Variants in SBK1 observed in about 807,000 individuals in gnomAD.
SBK1 encodes serine/threonine-protein kinase SBK1.
In SBK1, 11 loss-of-function variants were observed where a neutral mutation model predicts 24.4. The ratio of observed to expected loss-of-function variants is 0.45; its 90% confidence interval spans 0.28 to 0.75. The LOEUF (loss-of-function observed/expected upper bound fraction) is 0.75, where lower values mean the gene tolerates loss of function less well. Among genes scored for constraint, SBK1 ranks in the 30% least tolerant of loss-of-function variants. SBK1 has a pLI of 0.12. For missense variants in SBK1, 467 were observed against 620.5 expected, an observed-to-expected ratio of 0.75 and a Z score of 2.63; for synonymous variants, 308 against 284.4, an observed-to-expected ratio of 1.08 and a Z score of -0.83.
At chr16:28,276,125 CATCT>C (rs1208470787) in intron 1 of SBK1, among the ~76,000 whole-genome samples, 4 of 152,082 alleles carry the variant, frequency 2.6e-5, no homozygotes, top group Non-Finnish European at 5.9e-5. Flanking sequence ...GTATCTCATC[CATCT>C]GTTTTCTCAG....
intron 1 of SBK1, among the ~76,000 whole-genome samples, chr16:28,306,130 C>T (rs1050196739): frequency 2.0e-5 from 3 of 152,094 alleles, no homozygotes; most frequent in African/African-American, 4.8e-5. Flanking sequence ...GGTGACCCAC[C>T]GAGATCTAGC....
At chr16:28,294,232 G>C (rs140361354) in intron 1 of SBK1, among the ~76,000 whole-genome samples, 89 of 152,260 alleles carry the variant, frequency 5.8e-4, no homozygotes, top group African/African-American at 1.7e-3. Context: ...GAAGCCGAGA[G>C]ACCCTAGGGG....
rs1176853418 is a variant in SBK1, at chr16:28,321,769, T to A, written c.*848T>A. ...GATAGAAGGGCTCACAGGGCAGGGG[T>A]CTCAGCTGCCCCCATCCTTAGGGCA... On this transcript the variant is annotated 3_prime_UTR_variant, in exon 4 of 4. Coordinates refer to ENST00000341901, the MANE Select transcript of SBK1 (RefSeq NM_001024401.3). 6.6e-6 allele frequency: 1 copy of A among 152,024 alleles called. No homozygotes were observed. The highest frequency in any genetic ancestry group is 2.4e-5 in the African/African-American group (1 of 41,244). 9.4% of individuals were successfully genotyped at this position (152,024 alleles called of 1,614,324 possible).
chr16:28,293,139 A>AT lies in SBK1; in HGVS notation c.-168dup. ...CTCTCACCAGCAAGAAGCCTCGGGG[A>AT]TCCCCCCCCTAAAGCTCCAGGACTT... On this transcript the variant is annotated 5_prime_UTR_variant, in exon 1 of 4. Coordinates refer to ENST00000341901, the MANE Select transcript of SBK1 (RefSeq NM_001024401.3). 1 of 985,386 alleles carries AT rather than the reference A, an allele frequency of 1.0e-6. No individual in the cohort carries two copies. 61.0% of individuals were successfully genotyped at this position (985,386 alleles called of 1,614,324 possible).
chr16:28,313,291 T>C (rs2044766832), intron 1 of SBK1, among the ~76,000 whole-genome samples: 1 of 148,666 alleles, frequency 6.7e-6, no homozygotes, highest in Admixed American at 6.7e-5. Context: ...CGAGACCCTG[T>C]TTAAAAAAAA....
intron 1 of SBK1, among the ~76,000 whole-genome samples, chr16:28,261,877 C>G (rs188431961): frequency 6.5e-4 from 99 of 152,262 alleles, no homozygotes; most frequent in Non-Finnish European, 1.2e-3. Flanking sequence ...CCTTCATCTC[C>G]CACCTCTGAT....
chr16:28,305,615 TC>T (rs1293301024), intron 1 of SBK1, among the ~76,000 whole-genome samples: 1 of 151,816 alleles, frequency 6.6e-6, no homozygotes, highest in African/African-American at 2.4e-5. Context: ...TACTGCTACC[TC>T]TGCCTCCTGG....
intron 1 of SBK1, among the ~76,000 whole-genome samples, chr16:28,309,943 C>A (rs1341361436): frequency 6.6e-6 from 1 of 152,158 alleles, no homozygotes; most frequent in Non-Finnish European, 1.5e-5. Flanking sequence ...CCAAAGTAGG[C>A]CTGAGCCAGA....
At chr16:28,262,507 C>T in intron 1 of SBK1, among the ~76,000 whole-genome samples, 1 of 152,232 alleles carries the variant, frequency 6.6e-6, no homozygotes, top group East Asian at 1.9e-4. Context: ...CTGAGGCTCC[C>T]TGGGGACTGG....
At chr16:28,314,091 C>A (rs1486349821) in intron 1 of SBK1, among the ~76,000 whole-genome samples, 2 of 152,044 alleles carry the variant, frequency 1.3e-5, no homozygotes, top group East Asian at 3.9e-4. Flanking sequence ...ACTTACTTAA[C>A]CCTCGCAAGA....
At chr16:28,285,513 C>T (rs2044560199) in intron 1 of SBK1, 1 of 152,236 alleles carries the variant, frequency 6.6e-6, no homozygotes, top group Non-Finnish European at 1.5e-5. Context: ...CGAGATTACA[C>T]CACTGCACTC....
At chr16:28,294,606 G>C (rs562635503) in intron 1 of SBK1, among the ~76,000 whole-genome samples, 41 of 152,158 alleles carry the variant, frequency 2.7e-4, no homozygotes, top group Non-Finnish European at 5.4e-4. Context: ...GAAGTGGACC[G>C]GGCCAGGTCC....
At chr16:28,306,474 T>C (rs931825275) in intron 1 of SBK1, among the ~76,000 whole-genome samples, 3 of 152,158 alleles carry the variant, frequency 2.0e-5, no homozygotes, top group Non-Finnish European at 2.9e-5. Flanking sequence ...TCAGGCACTG[T>C]GCGGGGTGTT....
intron 1 of SBK1, among the ~76,000 whole-genome samples, chr16:28,266,977 G>A (rs918588423): frequency 2.6e-5 from 4 of 151,954 alleles, no homozygotes; most frequent in African/African-American, 9.7e-5. Context: ...TGCGATCTCA[G>A]CACACTTCAA....
chr16:28,306,196 A>C (rs2044715472), intron 1 of SBK1, among the ~76,000 whole-genome samples: 1 of 152,040 alleles, frequency 6.6e-6, no homozygotes, highest in South Asian at 2.1e-4. Context: ...CCTGGGCTGC[A>C]AAGCTGCAGG....
chr16:28,304,837 T>C (rs2044704719), intron 1 of SBK1, among the ~76,000 whole-genome samples: 2 of 152,200 alleles, frequency 1.3e-5, no homozygotes, highest in Admixed American at 6.5e-5. Flanking sequence ...CTCGATCTCC[T>C]GACCTCGTGA....
At chr16:28,264,962 A>G (rs2044419181) in intron 1 of SBK1, among the ~76,000 whole-genome samples, 1 of 152,158 alleles carries the variant, frequency 6.6e-6, no homozygotes, top group East Asian at 1.9e-4. Flanking sequence ...AGATGTGAGC[A>G]GTCCAGGGAA....
Position 28,274,495 on chromosome 16 carries a change from C to CA in SBK1, c.257+15000dup, listed in dbSNP as rs1392330844. Among the ~76,000 whole-genome samples, 4 of 151,936 alleles carry CA rather than the reference C, an allele frequency of 2.6e-5. No homozygotes were observed. In the East Asian group the frequency reaches 5.8e-4, roughly 22 times the overall value. On this transcript the variant is annotated intron_variant, in intron 1 of 3. Transcript: ENST00000671413. ...TGAAACCCCGTCTCTACTAAAAATACAAAAAAATTAGCCAGGCATGGTGGT... is the reference window on the plus strand; with the variant it reads ...TGAAACCCCGTCTCTACTAAAAATACAAAAAAAATTAGCCAGGCATGGTGGT...
Position 28,259,477 on chromosome 16 carries a change from C to T in SBK1, c.232C>T (p.Leu78=). Residue 78 remains leucine (L), a synonymous_variant, in exon 1 of 4, where the codon CTG becomes TTG. Coordinates refer to the SBK1 transcript ENST00000671413. This position sits in a 1 kb window ranked among gnomAD's most constrained non-coding sequence, Gnocchi z 6.0. ...CTTCCACAGGGAGGAGGAAGAGGAG[C>T]TGCTGGAAGAAGTCCCATTGCGGAG... 1.0e-6 allele frequency: 1 copy of T among 985,878 alleles called. No individual in the cohort carries two copies. Among genetic ancestry groups the T allele is most frequent in the South Asian group, 4.7e-5 (1 of 21,298 alleles). The allele number at this position is 985,878 out of a possible 1,614,324, so 61.1% of individuals were successfully genotyped here. A position where few individuals can be genotyped will look rare whatever the true frequency, so the allele number is the denominator to read the frequency against.
Sources: gnomAD v4.1 joint callset for allele counts (sites outside exome capture counted in the v4.1 genomes callset) on GRCh38, gnomAD v4.1.1 for gene constraint, Gnocchi (gnomAD v3.1) non-coding constraint, MANE v1.5 for transcripts, NCBI Gene and HGNC (gene_info 2026-07-23, HGNC 2026-07-21) for gene names.